Variants in MGAT4C observed in about 807,000 individuals in gnomAD.
The protein encoded by MGAT4C is MGAT4 family member C.
Under a neutral mutation model 40.1 loss-of-function variants are expected in MGAT4C, and 19 were observed. The ratio of observed to expected loss-of-function variants is 0.47; its 90% CI spans 0.33 to 0.70. The LOEUF (loss-of-function observed/expected upper bound fraction) is 0.70. MGAT4C is among the 30% of genes least tolerant of loss of function. The pLI is 0.02. For missense variants in MGAT4C, 491 were observed against 563.2 expected, an observed-to-expected ratio of 0.87 and a Z score of 1.30; for synonymous variants, 181 against 187.1, an observed-to-expected ratio of 0.97 and a Z score of 0.27.
chr12:86,809,149 A>G (rs1472821718), intron 1 of MGAT4C, among the ~76,000 whole-genome samples: 3 of 152,146 alleles, frequency 2.0e-5, no homozygotes, highest in Non-Finnish European at 4.4e-5. Context: ...AAAGAAATGG[A>G]AATTCATCCC....
intron 2 of MGAT4C, among the ~76,000 whole-genome samples, chr12:86,570,773 C>T (rs945503987): frequency 1.3e-5 from 2 of 151,930 alleles, no homozygotes; most frequent in Admixed American, 6.6e-5. Context: ...TAGCCGTGTC[C>T]ATCTATTACC....
At chr12:86,154,686 A>G (rs1267251578) in intron 1 of MGAT4C, among the ~76,000 whole-genome samples, 1 of 152,240 alleles carries the variant, frequency 6.6e-6, no homozygotes, top group African/African-American at 2.4e-5. Context: ...CTAGATCAAA[A>G]AAAAGATAAA....
chr12:86,151,942 G>A (rs1810014934), intron 1 of MGAT4C, among the ~76,000 whole-genome samples: 1 of 152,294 alleles, frequency 6.6e-6, no homozygotes, highest in South Asian at 2.1e-4. Flanking sequence ...TCCCAGCTTG[G>A]TATACTAACT....
At chr12:86,547,053 T>G (rs1959197469) in intron 2 of MGAT4C, among the ~76,000 whole-genome samples, 1 of 152,034 alleles carries the variant, frequency 6.6e-6, no homozygotes, top group Admixed American at 6.6e-5. Flanking sequence ...GTAAATCAGA[T>G]AGTAAAATTT....
intron 2 of MGAT4C, among the ~76,000 whole-genome samples, chr12:86,611,388 A>AGG (rs1962260901): frequency 6.8e-6 from 1 of 148,106 alleles, no homozygotes; most frequent in African/African-American, 2.5e-5. Context: ...GGTCCCATAG[A>AGG]TAGGTAGGTA....
At chr12:86,706,666 A>T (rs1950465226) in intron 2 of MGAT4C, among the ~76,000 whole-genome samples, 1 of 152,220 alleles carries the variant, frequency 6.6e-6, no homozygotes, top group African/African-American at 2.4e-5. Context: ...TCAAGGAATG[A>T]CATTATTATT....
At chr12:86,620,495 T>C (rs894474519) in intron 2 of MGAT4C, among the ~76,000 whole-genome samples, 3 of 152,100 alleles carry the variant, frequency 2.0e-5, no homozygotes, top group African/African-American at 7.2e-5. Flanking sequence ...TTCTTACTTA[T>C]TAGATGGAAA....
chr12:86,640,201 A>G (rs1963339315), intron 2 of MGAT4C, among the ~76,000 whole-genome samples: 1 of 151,754 alleles, frequency 6.6e-6, no homozygotes, highest in Non-Finnish European at 1.5e-5. Context: ...AGCTTTACCC[A>G]CCATATATAA....
chr12:86,323,089 T>G (rs1954435397), intron 4 of MGAT4C, among the ~76,000 whole-genome samples: 1 of 151,630 alleles, frequency 6.6e-6, no homozygotes, highest in African/African-American at 2.4e-5. Context: ...TTACAGGAAT[T>G]TGAAAGATCT....
intron 2 of MGAT4C, among the ~76,000 whole-genome samples, chr12:86,577,850 T>C (rs1374425112): frequency 6.6e-6 from 1 of 151,786 alleles, no homozygotes; most frequent in East Asian, 1.9e-4. Context: ...TCTTCAAATA[T>C]GTTTTTTTAT....
chr12:86,241,119 G>A (rs1368129362), intron 1 of MGAT4C, among the ~76,000 whole-genome samples: 2 of 152,050 alleles, frequency 1.3e-5, no homozygotes, highest in Admixed American at 6.6e-5. Flanking sequence ...AAATCTGGGG[G>A]TACATAATAT....
At chr12:86,146,253 C>G (rs1384893893) in intron 1 of MGAT4C, among the ~76,000 whole-genome samples, 1 of 151,986 alleles carries the variant, frequency 6.6e-6, no homozygotes, top group Non-Finnish European at 1.5e-5. Flanking sequence ...TTATGGCTGG[C>G]GGGTTATTCT....
At chr12:86,314,970 A>AT (rs1954167454) in intron 4 of MGAT4C, among the ~76,000 whole-genome samples, 1 of 151,902 alleles carries the variant, frequency 6.6e-6, no homozygotes, top group South Asian at 2.1e-4. Context: ...TGCCAATGTC[A>AT]TTTTTTACAG....
chr12:86,579,967 C>A (rs1030267425), intron 2 of MGAT4C, among the ~76,000 whole-genome samples: 2 of 148,766 alleles, frequency 1.3e-5, no homozygotes, highest in African/African-American at 4.9e-5. Context: ...CTTTTAGGAT[C>A]CTTTCTTAAT....
At chr12:86,244,372 T>G (rs1951926478) in intron 1 of MGAT4C, among the ~76,000 whole-genome samples, 1 of 152,186 alleles carries the variant, frequency 6.6e-6, no homozygotes, top group African/African-American at 2.4e-5. Flanking sequence ...TGGGTTTCAT[T>G]GCCTCCTTCT....
intron 1 of MGAT4C, among the ~76,000 whole-genome samples, chr12:86,159,101 G>A (rs1037004748): frequency 6.6e-6 from 1 of 152,086 alleles, no homozygotes; most frequent in Non-Finnish European, 1.5e-5. Context: ...AGGCATCCTT[G>A]TCTTTTTCCA....
At chr12:86,049,039 C>A (rs7967759) in intron 2 of MGAT4C, among the ~76,000 whole-genome samples, 121,290 of 152,006 alleles carry the variant, frequency 0.8, 49,004 homozygotes, top group East Asian at 0.97. Flanking sequence ...GGAAATGATA[C>A]AGTATATACT....
chr12:86,702,978 A>G (rs1048677459), intron 2 of MGAT4C, among the ~76,000 whole-genome samples: 41 of 152,188 alleles, frequency 2.7e-4, no homozygotes, highest in African/African-American at 9.6e-4. Context: ...AGGTCAAAAT[A>G]TAAGTATGAA....
intron 2 of MGAT4C, among the ~76,000 whole-genome samples, chr12:86,457,343 A>G (rs1269556334): frequency 6.6e-6 from 1 of 152,170 alleles, no homozygotes; most frequent in Non-Finnish European, 1.5e-5. Flanking sequence ...GGCAGAATGC[A>G]AATTAATACC....
Sources: gnomAD v4.1 joint callset for allele counts (sites outside exome capture counted in the v4.1 genomes callset) on GRCh38, gnomAD v4.1.1 for gene constraint, MANE v1.5 for transcripts, NCBI Gene and HGNC (gene_info 2026-07-23, HGNC 2026-07-21) for gene names.